Variants in TTC7B observed in about 807,000 individuals in gnomAD.
TTC7B encodes tetratricopeptide repeat domain 7B, also known as tetratricopeptide repeat protein 7B.
TTC7B carries 28 observed loss-of-function variants against 106.8 expected under a neutral mutation model. The observed-to-expected ratio is 0.26, with a 90% CI of 0.19 to 0.36. TTC7B has a LOEUF of 0.36. TTC7B is among the 10% of genes least tolerant of loss of function. The pLI, the probability that TTC7B is intolerant of heterozygous loss-of-function variation, is 1.00. For missense variants in TTC7B, 862 were observed against 1,076.4 expected (o/e 0.80, Z 2.79); for synonymous variants, 405 against 430.6 (o/e 0.94, Z 0.74).
At position 90,528,488 on chromosome 14, in the gene TTC7B, G is replaced by A. The variant is rs943013909; in HGVS notation, c.*12880C>T. 3 of 152,908 alleles carry A rather than the reference G, an allele frequency of 2.0e-5. No individual in the cohort carries two copies. Among genetic ancestry groups the A allele is most frequent in the South Asian group, 2.1e-4 (1 of 4,856 alleles). 9.5% of individuals were successfully genotyped at this position (152,908 alleles called of 1,614,324 possible). A position where few individuals can be genotyped will look rare whatever the true frequency, so the allele number is the denominator to read the frequency against. ...TCCCACTTTGTTACCTGTTTCCGAC[G>A]GTGTGACCCGAGTGCGCTTCGTTAC... is the stretch of plus-strand genomic sequence containing the variant. On this transcript the variant is annotated 3_prime_UTR_variant, in exon 20 of 20. Transcript: ENST00000328459.
At chr14:90,621,076 G>A (rs1039713284) in intron 15 of TTC7B, among the ~76,000 whole-genome samples, 11 of 152,214 alleles carry the variant, frequency 7.2e-5, no homozygotes, top group African/African-American at 2.7e-4. Flanking sequence ...AGGTACGGCT[G>A]GGATGATGGG....
intron 7 of TTC7B, among the ~76,000 whole-genome samples, chr14:90,684,006 C>T (rs1887156779): frequency 6.6e-6 from 1 of 152,092 alleles, no homozygotes; most frequent in Non-Finnish European, 1.5e-5. Flanking sequence ...TTCTGCCCTC[C>T]CCGGCCAAGA....
intron 3 of TTC7B, among the ~76,000 whole-genome samples, chr14:90,775,223 A>G (rs947862582): frequency 2.0e-5 from 3 of 152,142 alleles, no homozygotes; most frequent in Admixed American, 6.5e-5. Context: ...GAAGAGGCCA[A>G]TCATTTGTGG....
chr14:90,602,569 C>T (rs1355555052), intron 17 of TTC7B, among the ~76,000 whole-genome samples: 1 of 152,044 alleles, frequency 6.6e-6, no homozygotes, highest in Non-Finnish European at 1.5e-5. Flanking sequence ...GGTATGATGG[C>T]GTGTGCATGG....
At chr14:90,616,418 T>C (rs1292960172) in intron 16 of TTC7B, among the ~76,000 whole-genome samples, 2 of 152,022 alleles carry the variant, frequency 1.3e-5, no homozygotes, top group African/African-American at 4.8e-5. Context: ...GAGGCCAGTC[T>C]CATGATTACC....
chr14:90,718,546 G>A (rs1888748337), intron 5 of TTC7B, among the ~76,000 whole-genome samples: 1 of 152,158 alleles, frequency 6.6e-6, no homozygotes, highest in Non-Finnish European at 1.5e-5. Flanking sequence ...AGACCTAGGT[G>A]GTCGTAGTGT....
chr14:90,686,864 A>G (rs1887269677), intron 7 of TTC7B, among the ~76,000 whole-genome samples: 1 of 152,252 alleles, frequency 6.6e-6, no homozygotes, highest in South Asian at 2.1e-4. Context: ...AAAGAAATTA[A>G]AGACAACCTA....
Position 90,663,938 on chromosome 14 carries a change from T to C in TTC7B, c.1153-5551A>G, listed in dbSNP as rs1311970169. The stretch of plus-strand genomic sequence containing the variant: ...CCTGAAATGCTGATGCCAAGCATGC[T>C]GCCTGGATATATAACATGTCCTCCC... On this transcript the variant is annotated intron_variant, in intron 9 of 19. Coordinates refer to ENST00000328459, the MANE Select transcript of TTC7B (RefSeq NM_001010854.2). This position sits in a 1 kb window ranked among gnomAD's most constrained non-coding sequence, Gnocchi z 4.5. 6.6e-6 allele frequency among the ~76,000 whole-genome samples: 1 copy of C among 152,212 alleles called. No individual in the cohort carries two copies. The highest frequency in any genetic ancestry group is 2.4e-5 in the African/African-American group (1 of 41,452).
chr14:90,756,673 G>A (rs970885920), intron 3 of TTC7B, among the ~76,000 whole-genome samples: 2 of 152,132 alleles, frequency 1.3e-5, no homozygotes, highest in Non-Finnish European at 2.9e-5. Context: ...GGGATTACAG[G>A]TGTGAGCCAC....
At chr14:90,765,933 CT>C (rs765410256) in intron 3 of TTC7B, among the ~76,000 whole-genome samples, 6 of 152,192 alleles carry the variant, frequency 3.9e-5, no homozygotes, top group Non-Finnish European at 8.8e-5. Context: ...GGCCAGTGCC[CT>C]TTCCCCCAGC....
At chr14:90,573,382 GGTCCCTCTCCGGCTCACA>G (rs1338778545) in intron 19 of TTC7B, among the ~76,000 whole-genome samples, 99 of 114,682 alleles carry the variant, frequency 8.6e-4, no homozygotes, top group Non-Finnish European at 1.4e-3. Context: ...CTCAGCTCAC[GGTCCCTCTCCGGCTCACA>G]GGCCCTCTCC....
At chr14:90,801,317 C>T (rs1219332129) in intron 1 of TTC7B, among the ~76,000 whole-genome samples, 3 of 152,014 alleles carry the variant, frequency 2.0e-5, no homozygotes, top group South Asian at 2.1e-4. Context: ...CAAGAGTCCC[C>T]GGAAGGAACG....
intron 5 of TTC7B, chr14:90,699,073 G>A (rs1014182464): frequency 3.0e-5 from 13 of 428,586 alleles, no homozygotes; most frequent in African/African-American, 2.5e-4. Flanking sequence ...CTGTCCTGGC[G>A]ATAGGTTCCA....
At chr14:90,633,946 C>T (rs1453040082) in intron 15 of TTC7B, among the ~76,000 whole-genome samples, 2 of 151,926 alleles carry the variant, frequency 1.3e-5, no homozygotes, top group African/African-American at 4.8e-5. Flanking sequence ...GCGGTCTCAG[C>T]TCATTGCAAC....
rs199817416 is a variant in TTC7B, at chr14:90,644,257, G to GCACACACA, written c.1591-57_1591-50dup. On this transcript the variant is annotated intron_variant, in intron 14 of 19. Transcript: ENST00000328459. ...AGGTTTTACATACACACATGCACACGCACACACACACACACACACACACGC... is the reference window on the plus strand; with the variant it reads ...AGGTTTTACATACACACATGCACACGCACACACACACACACACACACACACACACACGC... 120 of 1,173,562 alleles carry GCACACACA rather than the reference G, an allele frequency of 1.0e-4. No homozygotes were observed. In the African/African-American group the frequency reaches 1.2e-3, roughly 12 times the overall value. 72.7% of individuals were successfully genotyped at this position (1,173,562 alleles called of 1,614,324 possible).
At chr14:90,778,971 G>A (rs55763907) in intron 3 of TTC7B, among the ~76,000 whole-genome samples, 6,340 of 152,300 alleles carry the variant, frequency 0.042, 171 homozygotes, top group Non-Finnish European at 0.058. Flanking sequence ...CAGACAGGCT[G>A]GACCACCTGT....
intron 5 of TTC7B, among the ~76,000 whole-genome samples, chr14:90,727,611 T>C (rs1889159000): frequency 1.3e-5 from 2 of 152,220 alleles, no homozygotes; most frequent in African/African-American, 4.8e-5. Flanking sequence ...CAGTGACTTC[T>C]GGAAAAGATG....
chr14:90,540,137 A>G lies in TTC7B; in HGVS notation c.*1231T>C, dbSNP rs537104611. On this transcript the variant is annotated 3_prime_UTR_variant, in exon 20 of 20. Transcript: ENST00000328459. ...CCTACCTAGGGATCATCTTCAAATTATAAGTGAGGAGATGGCCGGGCATGG... is the reference window on the plus strand; with the variant it reads ...CCTACCTAGGGATCATCTTCAAATTGTAAGTGAGGAGATGGCCGGGCATGG... 6.6e-6 allele frequency: 1 copy of G among 152,310 alleles called. No homozygotes were observed. Among genetic ancestry groups the G allele is most frequent in the East Asian group, 1.9e-4 (1 of 5,168 alleles). The allele number at this position is 152,310 out of a possible 1,614,324, so 9.4% of individuals were successfully genotyped here.
intron 1 of TTC7B, among the ~76,000 whole-genome samples, chr14:90,787,638 T>G (rs1891437475): frequency 6.6e-6 from 1 of 152,146 alleles, no homozygotes; most frequent in African/African-American, 2.4e-5. Flanking sequence ...AGATTCTGGG[T>G]GGTAAGTCCA....
Sources: allele counts gnomAD v4.1 joint callset (sites outside exome capture counted in the v4.1 genomes callset), GRCh38; gene constraint gnomAD v4.1.1; non-coding constraint Gnocchi (gnomAD v3.1); transcripts MANE v1.5; gene names NCBI Gene and HGNC (gene_info 2026-07-23, HGNC 2026-07-21).